Variants in TRAPPC9 observed in about 807,000 individuals in gnomAD.
TRAPPC9 encodes trafficking protein particle complex subunit 9.
TRAPPC9 carries 83 observed loss-of-function variants against 124.0 expected under a neutral mutation model. The observed-to-expected ratio is 0.67, with a 90% CI of 0.56 to 0.80. TRAPPC9 has a LOEUF of 0.80. Ranked by LOEUF, TRAPPC9 falls within the 30% of genes least tolerant of loss-of-function variation. The probability of loss-of-function intolerance (pLI) is 0.00; values close to 1 mark genes in which losing one functional copy is unlikely to be tolerated. For synonymous variants in TRAPPC9, 638 were observed against 617.5 expected (o/e 1.03, Z -0.49); for missense variants, 1,302 against 1,508.3 (o/e 0.86, Z 2.27).
intron 17 of TRAPPC9, among the ~76,000 whole-genome samples, chr8:140,101,345 A>T (rs1209805270): frequency 6.6e-6 from 1 of 152,058 alleles, no homozygotes; most frequent in Non-Finnish European, 1.5e-5. Flanking sequence ...TATGTTGGCC[A>T]GGCTGGTCTT....
chr8:140,385,277 A>G (rs911533783), intron 7 of TRAPPC9, among the ~76,000 whole-genome samples: 3 of 152,218 alleles, frequency 2.0e-5, no homozygotes, highest in African/African-American at 7.2e-5. Flanking sequence ...AGCAAGAGCA[A>G]ACACATTCAA....
At chr8:140,130,880 G>A (rs572451591) in intron 17 of TRAPPC9, among the ~76,000 whole-genome samples, 44 of 152,126 alleles carry the variant, frequency 2.9e-4, no homozygotes, top group Non-Finnish European at 5.0e-4. Context: ...AAATTGCCAA[G>A]CACAATAAAT....
At chr8:140,268,791 C>T (rs1302190650) in intron 15 of TRAPPC9, among the ~76,000 whole-genome samples, 1 of 152,160 alleles carries the variant, frequency 6.6e-6, no homozygotes, top group Non-Finnish European at 1.5e-5. Flanking sequence ...GAAGTGTAGG[C>T]AAGGCATGAC....
intron 19 of TRAPPC9, among the ~76,000 whole-genome samples, chr8:139,963,292 C>T (rs964852501): frequency 5.3e-5 from 8 of 152,152 alleles, no homozygotes; most frequent in Admixed American, 1.3e-4. Flanking sequence ...AACAATGCTG[C>T]GTCTGCCTCC....
In TRAPPC9 at chr8:140,404,909, C is replaced by CGTGTGTGTGTGTGTGTGTGT. The variant is rs71320356; in HGVS notation, c.1008+648_1008+667dup. Among the ~76,000 whole-genome samples, 506 of 120,016 alleles carry CGTGTGTGTGTGTGTGTGTGT rather than the reference C, an allele frequency of 4.2e-3. 9 individuals are homozygous for CGTGTGTGTGTGTGTGTGTGT. The highest frequency in any genetic ancestry group is 0.012 in the Middle Eastern group (3 of 246). 78.7% of individuals were successfully genotyped at this position (120,016 alleles called of 152,430 possible). The stretch of plus-strand genomic sequence containing the variant: ...ATGTGTGCACGTGTGTGTGAGCATG[C>CGTGTGTGTGTGTGTGTGTGT]GTGTGTGTGTGTGTGTGTGTGTGTG... On this transcript the variant is annotated intron_variant, in intron 6 of 22. Coordinates refer to ENST00000438773, the MANE Select transcript of TRAPPC9 (RefSeq NM_001160372.4).
intron 15 of TRAPPC9, among the ~76,000 whole-genome samples, chr8:140,268,986 G>A (rs1010932513): frequency 2.0e-5 from 3 of 152,104 alleles, no homozygotes. Flanking sequence ...CTTGCCCCGG[G>A]GCTGGGGCAG....
chr8:139,983,857 G>A (rs1837071933), intron 19 of TRAPPC9, among the ~76,000 whole-genome samples: 1 of 152,208 alleles, frequency 6.6e-6, no homozygotes, highest in Non-Finnish European at 1.5e-5. Context: ...ATGTCAGACA[G>A]ACGGGGTTCC....
At chr8:140,231,109 T>C (rs887783336) in intron 16 of TRAPPC9, among the ~76,000 whole-genome samples, 2 of 152,236 alleles carry the variant, frequency 1.3e-5, no homozygotes, top group Non-Finnish European at 2.9e-5. Context: ...ATAGTAGCTA[T>C]GGAGAAAGAT....
At chr8:140,143,713 T>C (rs557390985) in intron 17 of TRAPPC9, among the ~76,000 whole-genome samples, 54 of 152,352 alleles carry the variant, frequency 3.5e-4, no homozygotes, top group African/African-American at 1.3e-3. Flanking sequence ...CGGGTGCTGA[T>C]TTTGTTAGTG....
intron 15 of TRAPPC9, among the ~76,000 whole-genome samples, chr8:140,272,777 T>C (rs938452582): frequency 7.2e-5 from 11 of 152,084 alleles, no homozygotes; most frequent in African/African-American, 1.4e-4. Flanking sequence ...CCAGCACTAA[T>C]GAGAACTAAC....
rs533752631 is a variant in TRAPPC9, at chr8:139,741,185, T to TC, written c.3056-8984dup. Among the ~76,000 whole-genome samples, 331 of 151,590 alleles carry TC rather than the reference T, an allele frequency of 2.2e-3. 2 individuals are homozygous for TC. Among genetic ancestry groups the TC allele is most frequent in the African/African-American group, 7.6e-3 (312 of 41,294 alleles). Reference sequence around the variant, plus strand: ...ATGATGCTCCCCCTGGGTGTGAAGCTCCCCCCGGGCGTGATGCCCCCTCCC... The same window carrying TC: ...ATGATGCTCCCCCTGGGTGTGAAGCTCCCCCCCGGGCGTGATGCCCCCTCCC... On this transcript the variant is annotated intron_variant, in intron 21 of 22. Transcript: ENST00000438773.
chr8:140,305,018 A>C (rs1017590351), intron 10 of TRAPPC9, among the ~76,000 whole-genome samples: 3 of 152,176 alleles, frequency 2.0e-5, no homozygotes, highest in African/African-American at 7.2e-5. Context: ...CATGCTACTC[A>C]AAACATCAGA....
intron 5 of TRAPPC9, among the ~76,000 whole-genome samples, chr8:140,411,795 A>G (rs1212190229): frequency 6.6e-6 from 1 of 152,232 alleles, no homozygotes; most frequent in African/African-American, 2.4e-5. Context: ...ATGGATTAGA[A>G]CCTACTAAAA....
At chr8:140,158,571 T>C (rs765430639) in intron 17 of TRAPPC9, among the ~76,000 whole-genome samples, 8 of 152,272 alleles carry the variant, frequency 5.3e-5, no homozygotes, top group Non-Finnish European at 1.2e-4. Flanking sequence ...ACTGAGTTTA[T>C]AGTATCTCTT....
At chr8:140,005,893 C>T (rs927676500) in intron 18 of TRAPPC9, among the ~76,000 whole-genome samples, 25 of 136,020 alleles carry the variant, frequency 1.8e-4, no homozygotes, top group South Asian at 1.4e-3. Context: ...GTCTGGGTGA[C>T]GGTAAGACCC....
chr8:140,421,479 T>A (rs1564012868), intron 5 of TRAPPC9, among the ~76,000 whole-genome samples: 1 of 152,236 alleles, frequency 6.6e-6, no homozygotes, highest in Non-Finnish European at 1.5e-5. Context: ...TTTCTGGAAG[T>A]CTTTACAAAA....
intron 17 of TRAPPC9, among the ~76,000 whole-genome samples, chr8:140,204,568 C>T (rs2062875928): frequency 6.6e-6 from 1 of 152,016 alleles, no homozygotes; most frequent in South Asian, 2.1e-4. Flanking sequence ...CACATGTATA[C>T]ATATGTAACA....
intron 7 of TRAPPC9, among the ~76,000 whole-genome samples, chr8:140,393,672 T>A (rs2068999992): frequency 6.6e-6 from 1 of 152,222 alleles, no homozygotes; most frequent in African/African-American, 2.4e-5. Flanking sequence ...CCTGCAATAA[T>A]CATATCTCAG....
At chr8:139,866,100 A>G (rs1483297519) in intron 21 of TRAPPC9, among the ~76,000 whole-genome samples, 1 of 151,086 alleles carries the variant, frequency 6.6e-6, no homozygotes, top group Non-Finnish European at 1.5e-5. Flanking sequence ...CTGGGATCAA[A>G]GGAATGTCAG....
Sources: gnomAD v4.1 joint callset for allele counts (sites outside exome capture counted in the v4.1 genomes callset) on GRCh38, gnomAD v4.1.1 for gene constraint, MANE v1.5 for transcripts, NCBI Gene and HGNC (gene_info 2026-07-23, HGNC 2026-07-21) for gene names.